The following GPC5 variants were observed in gnomAD, a reference collection of about 807,000 sequenced individuals.
GPC5 encodes the protein glypican-5.
GPC5 carries 47 observed loss-of-function variants against 53.9 expected under a neutral mutation model. The observed-to-expected ratio is 0.87, with a 90% CI of 0.69 to 1.11. The LOEUF (loss-of-function observed/expected upper bound fraction) is 1.11, where lower values mean the gene tolerates loss of function less well. Ranked by LOEUF, GPC5 falls within the 50% of genes most tolerant of loss-of-function variation. The probability of loss-of-function intolerance (pLI) is 0.00; values close to 1 mark genes in which losing one functional copy is unlikely to be tolerated. For missense variants in GPC5, 748 were observed against 713.1 expected (o/e 1.05, Z -0.56); for synonymous variants, 286 against 263.3 (o/e 1.09, Z -0.84).
intron 7 of GPC5, 140 bp downstream of exon 7, chr13:92,145,129 G>GT (rs1337203346): frequency 1.8e-5 from 13 of 716,944 alleles, no homozygotes; most frequent in Non-Finnish European, 2.6e-5. Context: ...TCTATTTTTG[G>GT]TTTTTTAGGA....
At chr13:92,497,355 T>C (rs542818177) in intron 7 of GPC5, among the ~76,000 whole-genome samples, 2 of 152,312 alleles carry the variant, frequency 1.3e-5, no homozygotes, top group South Asian at 2.1e-4. Flanking sequence ...ACTTATTGAA[T>C]AGGAGATCCT....
chr13:92,004,884 C>T (rs2040592453), intron 6 of GPC5, among the ~76,000 whole-genome samples: 1 of 152,058 alleles, frequency 6.6e-6, no homozygotes, highest in Non-Finnish European at 1.5e-5. Context: ...AATTATCTCC[C>T]ACCAGGTCCC....
rs1482286584 is a variant in GPC5 at position 92,104,974 on chromosome 13, A to T, written c.1402-39856A>T. Among the ~76,000 whole-genome samples, 3 of 152,278 alleles carry T rather than the reference A, an allele frequency of 2.0e-5. No individual in the cohort carries two copies. The East Asian group carries it at 5.8e-4, about 29-fold the overall frequency. On this transcript the variant is annotated intron_variant, in intron 6 of 7. Transcript: ENST00000377067. Reference sequence around the variant, plus strand: ...GTGTTTTTGTTCAGTCATTGAACTGATCCAAACTTCTGTGTTCATATTTTT... The same window carrying T: ...GTGTTTTTGTTCAGTCATTGAACTGTTCCAAACTTCTGTGTTCATATTTTT...
intron 7 of GPC5, among the ~76,000 whole-genome samples, chr13:92,271,558 T>C (rs190019878): frequency 6.2e-4 from 95 of 152,308 alleles, no homozygotes; most frequent in African/African-American, 2.2e-3. Flanking sequence ...CAGCAACTTA[T>C]ATATGAAATA....
intron 7 of GPC5, among the ~76,000 whole-genome samples, chr13:92,167,655 T>C (rs1445284853): frequency 6.6e-6 from 1 of 152,054 alleles, no homozygotes; most frequent in Non-Finnish European, 1.5e-5. Context: ...CAGAAATAGA[T>C]TTAGGGAGTA....
chr13:92,176,023 C>A (rs1435184892), intron 7 of GPC5, among the ~76,000 whole-genome samples: 1 of 152,180 alleles, frequency 6.6e-6, no homozygotes. Context: ...TTACCATTAT[C>A]ATGAAGTTTG....
At chr13:91,820,394 C>T (rs1365353962) in intron 5 of GPC5, among the ~76,000 whole-genome samples, 4 of 152,236 alleles carry the variant, frequency 2.6e-5, no homozygotes, top group African/African-American at 9.6e-5. Flanking sequence ...GAATTTTATA[C>T]ACAGGGCCAT....
chr13:92,784,212 A>T (rs535498223), intron 7 of GPC5, among the ~76,000 whole-genome samples: 1 of 152,190 alleles, frequency 6.6e-6, no homozygotes, highest in Non-Finnish European at 1.5e-5. Flanking sequence ...TCCAAAAAGT[A>T]GGTTGGTTTA....
At chr13:91,666,205 G>A (rs954772733) in intron 2 of GPC5, among the ~76,000 whole-genome samples, 2 of 152,148 alleles carry the variant, frequency 1.3e-5, no homozygotes, top group African/African-American at 4.8e-5. Flanking sequence ...ACTGTAAGAG[G>A]AATTAGAGCA....
intron 7 of GPC5, among the ~76,000 whole-genome samples, chr13:92,696,850 A>G (rs1466960385): frequency 2.0e-5 from 3 of 152,194 alleles, no homozygotes; most frequent in Admixed American, 6.5e-5. Context: ...TTAAGTCTTC[A>G]ATCCATCTTG....
chr13:92,184,371 A>T (rs2042168364), intron 7 of GPC5, among the ~76,000 whole-genome samples: 1 of 152,206 alleles, frequency 6.6e-6, no homozygotes, highest in Non-Finnish European at 1.5e-5. Context: ...TTCTATTACT[A>T]GAGTTCTTTA....
chr13:91,885,468 T>C (rs1304516194), intron 5 of GPC5, among the ~76,000 whole-genome samples: 1 of 152,234 alleles, frequency 6.6e-6, no homozygotes, highest in Non-Finnish European at 1.5e-5. Context: ...TTGGTGCTTT[T>C]GCTGTTCATC....
intron 7 of GPC5, among the ~76,000 whole-genome samples, chr13:92,395,558 CTCTT>C (rs1566572651): frequency 1.3e-5 from 2 of 152,186 alleles, no homozygotes; most frequent in African/African-American, 2.4e-5. Flanking sequence ...ATCTTCAACA[CTCTT>C]CCTTATGTAG....
chr13:91,469,349 T>C (rs1882459516), intron 2 of GPC5, among the ~76,000 whole-genome samples: 1 of 152,154 alleles, frequency 6.6e-6, no homozygotes, highest in African/African-American at 2.4e-5. Context: ...CCTCAAGTGA[T>C]CCACATGCTT....
At chr13:92,411,305 T>C (rs1466322438) in intron 7 of GPC5, among the ~76,000 whole-genome samples, 1 of 152,144 alleles carries the variant, frequency 6.6e-6, no homozygotes, top group Non-Finnish European at 1.5e-5. Context: ...ACTTGAGATA[T>C]GGATATTATG....
chr13:92,119,390 G>GTTTTTTTTTTTT (rs386380215), intron 6 of GPC5, among the ~76,000 whole-genome samples: 9 of 65,684 alleles, frequency 1.4e-4, no homozygotes, highest in East Asian at 9.6e-4. Flanking sequence ...TAGGATTTTA[G>GTTTTTTTTTTTT]TTTTTTTTTT....
intron 7 of GPC5, among the ~76,000 whole-genome samples, chr13:92,421,383 C>T (rs1281148848): frequency 6.6e-6 from 1 of 152,042 alleles, no homozygotes; most frequent in African/African-American, 2.4e-5. Context: ...TAAAGAAATG[C>T]CTGAGACTGG....
chr13:92,662,828 C>T (rs1886395822), intron 7 of GPC5, among the ~76,000 whole-genome samples: 1 of 152,184 alleles, frequency 6.6e-6, no homozygotes, highest in Non-Finnish European at 1.5e-5. Flanking sequence ...TCTCCTTGGG[C>T]TTTGCATGGC....
intron 7 of GPC5, among the ~76,000 whole-genome samples, chr13:92,678,529 A>C (rs928746891): frequency 6.6e-6 from 1 of 152,202 alleles, no homozygotes; most frequent in African/African-American, 2.4e-5. Context: ...AAATGCAAAG[A>C]CCAGAGGAGA....
Sources: gnomAD v4.1 joint callset for allele counts (sites outside exome capture counted in the v4.1 genomes callset) on GRCh38, gnomAD v4.1.1 for gene constraint, MANE v1.5 for transcripts, NCBI Gene and HGNC (gene_info 2026-07-23, HGNC 2026-07-21) for gene names.